The following PABPC1 variants were observed in gnomAD, a reference collection of about 807,000 sequenced individuals.
The protein encoded by PABPC1 is polyadenylate-binding protein 1.
Under a neutral mutation model 74.0 loss-of-function variants are expected in PABPC1, and 4 were observed. That is an observed-to-expected ratio of 0.05 (90% confidence interval 0.03 to 0.12). The LOEUF (loss-of-function observed/expected upper bound fraction) is 0.12. Ranked by LOEUF, PABPC1 falls within the 10% of genes least tolerant of loss-of-function variation. PABPC1 has a pLI of 1.00. For missense variants in PABPC1, 271 were observed against 821.1 expected (o/e 0.33, Z 8.19); for synonymous variants, 227 against 264.1 (o/e 0.86, Z 1.36).
intron 9 of PABPC1, chr8:100,707,305 C>T: frequency 3.6e-6 from 1 of 276,144 alleles, no homozygotes; most frequent in South Asian, 3.3e-5. Flanking sequence ...AAAAAAAAGA[C>T]AGCTGGGCAC....
At chr8:100,707,157 C>G in intron 9 of PABPC1, 160 bp from the exon 10 acceptor site, 1 of 556,768 alleles carries the variant, frequency 1.8e-6, no homozygotes, top group Non-Finnish European at 3.2e-6. Flanking sequence ...AGACTCAGAG[C>G]ATCAATAAGT....
chr8:100,708,739 G>C (rs1810448043), intron 9 of PABPC1, among the ~76,000 whole-genome samples: 2 of 152,096 alleles, frequency 1.3e-5, no homozygotes, highest in African/African-American at 4.8e-5. Flanking sequence ...AGCTGGGCGT[G>C]GTGGCGGGCA....
intron 12 of PABPC1, among the ~76,000 whole-genome samples, chr8:100,705,375 GTAATGCCC>G (rs1252251536): frequency 1.3e-5 from 2 of 152,260 alleles, no homozygotes; most frequent in Non-Finnish European, 2.9e-5. Context: ...CCCATGGTGA[GTAATGCCC>G]TACTACCCTA....
At chr8:100,715,653 G>T in intron 3 of PABPC1, 52 bp from the exon 4 acceptor site, 1 of 1,350,562 alleles carries the variant, frequency 7.4e-7, no homozygotes, top group Non-Finnish European at 1.0e-6. Flanking sequence ...ATAAAGTTCA[G>T]ATTAAGTAAG....
At chr8:100,706,543 T>A in intron 11 of PABPC1, 108 bp downstream of exon 11, 1 of 961,806 alleles carries the variant, frequency 1.0e-6, no homozygotes, top group Non-Finnish European at 1.6e-6. Context: ...TGCCTCAACC[T>A]CCCAAAGTGC....
chr8:100,712,356 T>C lies in PABPC1; in HGVS notation c.972+6A>G, dbSNP rs780767977. 6.5e-7 allele frequency: 1 copy of C among 1,527,708 alleles called. No individual in the cohort carries two copies. The highest frequency in any genetic ancestry group is 9.0e-7 in the Non-Finnish European group (1 of 1,115,124). The allele number at this position is 1,527,708 out of a possible 1,614,324, so 94.6% of individuals were successfully genotyped here. A position where few individuals can be genotyped will look rare whatever the true frequency, so the allele number is the denominator to read the frequency against. On this transcript the variant is annotated splice_donor_region_variant and intron_variant, in intron 7 of 14. Transcript: ENST00000318607. ...CCTCAAATAAATGAACCATATGTTT[T>C]CTTACCTTTGCACTAGTGATTGTAC...
chr8:100,705,127 A>T (rs925701694), intron 12 of PABPC1, 71 bp from the exon 13 acceptor site: 2 of 1,280,766 alleles, frequency 1.6e-6, no homozygotes, highest in South Asian at 2.6e-5. Flanking sequence ...TTACCACATT[A>T]AACTGGGGTT....
chr8:100,713,196 T>A lies in PABPC1; in HGVS notation c.644-15A>T, dbSNP rs772194086. Reference sequence around the variant, plus strand: ...TAAGGCAGGCCCTAAAAAATTTTTTTACATAAATCAAAGATATTCCATACA... The same window carrying A: ...TAAGGCAGGCCCTAAAAAATTTTTTAACATAAATCAAAGATATTCCATACA... On this transcript the variant is annotated splice_polypyrimidine_tract_variant and intron_variant, in intron 4 of 14. Transcript: ENST00000318607. 1.4e-6 allele frequency: 2 copies of A among 1,427,990 alleles called. No individual in the cohort carries two copies. Among genetic ancestry groups the A allele is most frequent in the Non-Finnish European group, 1.9e-6 (2 of 1,039,014 alleles). 88.5% of individuals were successfully genotyped at this position (1,427,990 alleles called of 1,614,324 possible). A position where few individuals can be genotyped will look rare whatever the true frequency, so the allele number is the denominator to read the frequency against.
At chr8:100,712,156 C>G (rs1431697196) in intron 7 of PABPC1, among the ~76,000 whole-genome samples, 1 of 152,206 alleles carries the variant, frequency 6.6e-6, no homozygotes, top group Non-Finnish European at 1.5e-5. Flanking sequence ...GTGAGGATAT[C>G]AGCCTTCCTT....
In PABPC1 at chr8:100,712,645, A is replaced by G. The variant is rs774161016; in HGVS notation, c.876+7T>C. 1 of 1,573,784 alleles carries G rather than the reference A, an allele frequency of 6.4e-7. No individual in the cohort carries two copies. Among genetic ancestry groups the G allele is most frequent in the Non-Finnish European group, 8.6e-7 (1 of 1,160,852 alleles). On this transcript the variant is annotated splice_region_variant and intron_variant, in intron 6 of 14. Coordinates refer to ENST00000318607, the MANE Select transcript of PABPC1 (RefSeq NM_002568.4). ...GTCTTATTTTGGTTGTTCAATTAAA[A>G]ATGAACCTGGTATCTGGTGATCCTA...
rs541981529 is a variant in PABPC1 at position 100,721,175 on chromosome 8, G to A, written c.193+216C>T. ...CTGAGGCCGAGAAAATGGTCGCAAA[G>A]GAGGAAGTAGCCGGGCGTGTGGCTG... On this transcript the variant is annotated intron_variant, in intron 1 of 14. Transcript: ENST00000318607. The surrounding 1 kb of genome is among the most constrained non-coding windows in gnomAD (Gnocchi z 7.4). Among the ~76,000 whole-genome samples the A allele has an allele frequency of 6.6e-6, 1 of 152,088 alleles. No homozygotes were observed. Among genetic ancestry groups the A allele is most frequent in the African/African-American group, 2.4e-5 (1 of 41,446 alleles).
At chr8:100,707,507 G>C (rs1459658639) in intron 9 of PABPC1, among the ~76,000 whole-genome samples, 8 of 152,198 alleles carry the variant, frequency 5.3e-5, no homozygotes, top group African/African-American at 9.6e-5. Context: ...GAGGCAGAGA[G>C]GGAGAGGAGA....
intron 14 of PABPC1, among the ~76,000 whole-genome samples, chr8:100,703,865 C>T (rs988121335): frequency 1.3e-5 from 2 of 152,064 alleles, no homozygotes; most frequent in Admixed American, 6.6e-5. Context: ...GCCTGGCCAA[C>T]ATGGCAAAAC....
intron 9 of PABPC1, among the ~76,000 whole-genome samples, chr8:100,707,850 G>A (rs955560935): frequency 1.3e-5 from 2 of 152,204 alleles, no homozygotes; most frequent in East Asian, 3.9e-4. Flanking sequence ...ACCTCGGTCC[G>A]CCTGGCAACG....
At chr8:100,717,565 A>G (rs1462271816) in intron 3 of PABPC1, among the ~76,000 whole-genome samples, 1 of 152,198 alleles carries the variant, frequency 6.6e-6, no homozygotes, top group Non-Finnish European at 1.5e-5. Context: ...ACTGTGTAGA[A>G]AATTCAATTG....
Position 100,703,121 on chromosome 8 carries a change from G to C in PABPC1, c.*240C>G. On this transcript the variant is annotated 3_prime_UTR_variant, in exon 15 of 15. Coordinates refer to ENST00000318607, the MANE Select transcript of PABPC1 (RefSeq NM_002568.4). ...CCCAGGGTCTATAAAACATTAATTT[G>C]TTTTTATATTTTACTATTTTTTTGT... The C allele has an allele frequency of 7.2e-6, 1 of 138,958 alleles. No homozygotes were observed. 8.6% of individuals were successfully genotyped at this position (138,958 alleles called of 1,614,324 possible).
At chr8:100,704,875 AG>A in intron 13 of PABPC1, 50 bp downstream of exon 13, 1 of 1,594,136 alleles carries the variant, frequency 6.3e-7, no homozygotes, top group South Asian at 1.1e-5. Flanking sequence ...CCCCATAAAA[AG>A]CCACGTAATA....
At chr8:100,707,039 T>TA in intron 9 of PABPC1, 42 bp from the exon 10 acceptor site, 1 of 1,393,990 alleles carries the variant, frequency 7.2e-7, no homozygotes, top group Non-Finnish European at 1.0e-6. Flanking sequence ...TGGGAAAACT[T>TA]ACTGAGTGAA....
rs777084826 is a variant in PABPC1, at chr8:100,715,678, T to G, written c.504-77A>C. On this transcript the variant is annotated intron_variant, in intron 3 of 14. Transcript: ENST00000318607. ...GATTAAGTAAGCCTGATGGTTGGTT[T>G]TGTTACTGTTAATGAGAATATTCAG... is the stretch of plus-strand genomic sequence containing the variant. The G allele has an allele frequency of 2.3e-5, 23 of 1,014,310 alleles. No individual in the cohort carries two copies. In the Admixed American group the frequency reaches 6.3e-4, roughly 28 times the overall value. 62.8% of individuals were successfully genotyped at this position (1,014,310 alleles called of 1,614,324 possible).
Sources: allele counts gnomAD v4.1 joint callset (sites outside exome capture counted in the v4.1 genomes callset), GRCh38; gene constraint gnomAD v4.1.1; non-coding constraint Gnocchi (gnomAD v3.1); transcripts MANE v1.5; gene names NCBI Gene and HGNC (gene_info 2026-07-23, HGNC 2026-07-21).